ANGPT1: variants seen among roughly 807,000 people sequenced by gnomAD.
ANGPT1 encodes the protein angiopoietin-1.
Under a neutral mutation model 62.2 loss-of-function variants are expected in ANGPT1, and 17 were observed. That is an observed-to-expected ratio of 0.27 (90% CI 0.19 to 0.41). ANGPT1 has a LOEUF of 0.41. Ranked by LOEUF, ANGPT1 falls within the 10% of genes least tolerant of loss-of-function variation. ANGPT1 has a pLI of 1.00. For missense variants in ANGPT1, 478 were observed against 594.9 expected (o/e 0.80, Z 2.04); for synonymous variants, 199 against 198.9 (o/e 1.00, Z 0.00).
rs376417690 is a variant in ANGPT1, at chr8:107,271,548, T to C, written c.1206-7197A>G. On this transcript the variant is annotated intron_variant, in intron 7 of 8. Transcript: ENST00000517746. ...GAGATACAGCTCATGAGGACAGGCA[T>C]GGAGGCAACAAGCCAGAGAAATTAA... Among the ~76,000 whole-genome samples the C allele has an allele frequency of 1.1e-4, 17 of 152,028 alleles. No individual in the cohort carries two copies. In the East Asian group the frequency reaches 2.9e-3, roughly 26 times the overall value.
At chr8:107,338,711 G>A (rs1181182406) in intron 2 of ANGPT1, among the ~76,000 whole-genome samples, 1 of 152,180 alleles carries the variant, frequency 6.6e-6, no homozygotes, top group East Asian at 1.9e-4. Context: ...GGGATAAATG[G>A]TAGAGAATAT....
intron 1 of ANGPT1, among the ~76,000 whole-genome samples, chr8:107,472,665 A>G (rs1352246163): frequency 6.6e-6 from 1 of 152,010 alleles, no homozygotes; most frequent in Non-Finnish European, 1.5e-5. Flanking sequence ...GGAAACCATT[A>G]TTATTCTCAT....
Position 107,250,437 on chromosome 8 carries a change from A to T in ANGPT1, c.*1418T>A, listed in dbSNP as rs1392612028. ...ACTATGATTAATTTTCTTTTTGTAT[A>T]TATTTCCCTTACATATAATAGTTTT... On this transcript the variant is annotated 3_prime_UTR_variant, in exon 9 of 9. Coordinates refer to ENST00000517746, the MANE Select transcript of ANGPT1 (RefSeq NM_001146.5). The T allele has an allele frequency of 6.6e-6, 1 of 152,106 alleles. No homozygotes were observed. Among genetic ancestry groups the T allele is most frequent in the East Asian group, 1.9e-4 (1 of 5,204 alleles). 9.4% of individuals were successfully genotyped at this position (152,106 alleles called of 1,614,324 possible).
At chr8:107,354,091 G>A (rs557561225) in intron 1 of ANGPT1, among the ~76,000 whole-genome samples, 3 of 152,110 alleles carry the variant, frequency 2.0e-5, no homozygotes, top group African/African-American at 4.8e-5. Flanking sequence ...GCTGCTGAAA[G>A]TTGCCAAAGT....
At chr8:107,281,637 G>C (rs1177702013) in intron 7 of ANGPT1, among the ~76,000 whole-genome samples, 1 of 152,064 alleles carries the variant, frequency 6.6e-6, no homozygotes, top group East Asian at 1.9e-4. Flanking sequence ...AATTAGCCAG[G>C]CATGGTGGCA....
At chr8:107,378,673 G>A (rs1586272359) in intron 1 of ANGPT1, among the ~76,000 whole-genome samples, 1 of 152,032 alleles carries the variant, frequency 6.6e-6, no homozygotes, top group South Asian at 2.1e-4. Flanking sequence ...CTGTTCTCAT[G>A]ATAGTGAGTT....
intron 1 of ANGPT1, among the ~76,000 whole-genome samples, chr8:107,484,667 A>G (rs1030335194): frequency 2.0e-5 from 3 of 152,152 alleles, no homozygotes; most frequent in African/African-American, 7.2e-5. Flanking sequence ...TGGCCTCCGA[A>G]AGTGATGGAT....
intron 1 of ANGPT1, among the ~76,000 whole-genome samples, chr8:107,440,671 C>A (rs1378094591): frequency 6.6e-6 from 1 of 152,092 alleles, no homozygotes; most frequent in African/African-American, 2.4e-5. Flanking sequence ...AATTGGAAAA[C>A]CAAAGGTCTT....
chr8:107,430,722 T>C (rs1452106042), intron 1 of ANGPT1, among the ~76,000 whole-genome samples: 1 of 152,194 alleles, frequency 6.6e-6, no homozygotes, highest in East Asian at 1.9e-4. Context: ...GGGTCAGGGT[T>C]TATAGGTGAC....
At chr8:107,259,551 A>G (rs958614682) in intron 8 of ANGPT1, among the ~76,000 whole-genome samples, 4 of 152,176 alleles carry the variant, frequency 2.6e-5, no homozygotes, top group African/African-American at 7.2e-5. Flanking sequence ...TTTCTACTTC[A>G]ATAGATTCTT....
chr8:107,262,813 C>T (rs1813524083), intron 8 of ANGPT1, among the ~76,000 whole-genome samples: 1 of 152,142 alleles, frequency 6.6e-6, no homozygotes, highest in South Asian at 2.1e-4. Flanking sequence ...CCTTTCCTGC[C>T]AGAGCCTATA....
intron 1 of ANGPT1, among the ~76,000 whole-genome samples, chr8:107,380,484 C>T (rs181609845): frequency 1.7e-4 from 26 of 151,636 alleles, no homozygotes; most frequent in Admixed American, 1.1e-3. Context: ...AGCTAGATGC[C>T]ATTTTGACTG....
chr8:107,448,793 A>T (rs765479231), intron 1 of ANGPT1, among the ~76,000 whole-genome samples: 28 of 152,194 alleles, frequency 1.8e-4, no homozygotes, highest in Non-Finnish European at 4.4e-5. Flanking sequence ...ACCCAAAAAG[A>T]ATCCCACCTA....
chr8:107,458,538 GT>G (rs1393214422), intron 1 of ANGPT1, among the ~76,000 whole-genome samples: 3 of 152,094 alleles, frequency 2.0e-5, no homozygotes, highest in Admixed American at 2.0e-4. Context: ...GCAAGATTTA[GT>G]AACTATGTCT....
intron 7 of ANGPT1, among the ~76,000 whole-genome samples, chr8:107,272,694 T>C (rs1813764820): frequency 6.6e-6 from 1 of 151,114 alleles, no homozygotes; most frequent in African/African-American, 2.4e-5. Flanking sequence ...TGCCTTTCAA[T>C]AGTGCTGACA....
At chr8:107,311,692 CA>C (rs1814867894) in intron 4 of ANGPT1, among the ~76,000 whole-genome samples, 1 of 152,180 alleles carries the variant, frequency 6.6e-6, no homozygotes, top group South Asian at 2.1e-4. Context: ...ATAAATTTTG[CA>C]ATTATCTTCC....
At chr8:107,477,177 C>T (rs919866827) in intron 1 of ANGPT1, among the ~76,000 whole-genome samples, 8 of 152,250 alleles carry the variant, frequency 5.3e-5, no homozygotes, top group South Asian at 2.1e-4. Flanking sequence ...AATTGCCTGA[C>T]CTATCACACC....
intron 5 of ANGPT1, among the ~76,000 whole-genome samples, chr8:107,299,664 CAT>C (rs1384043354): frequency 3.8e-5 from 5 of 130,554 alleles, no homozygotes; most frequent in Admixed American, 7.9e-5. Context: ...TATATATAGA[CAT>C]ATAGTTATAT....
intron 2 of ANGPT1, among the ~76,000 whole-genome samples, chr8:107,338,207 T>A (rs1281617345): frequency 2.0e-5 from 3 of 152,200 alleles, no homozygotes; most frequent in Admixed American, 2.0e-4. Context: ...AGGCAGGAAC[T>A]AGGCTGAGGT....
Sources: allele counts gnomAD v4.1 joint callset (sites outside exome capture counted in the v4.1 genomes callset), GRCh38; gene constraint gnomAD v4.1.1; transcripts MANE v1.5; gene names NCBI Gene and HGNC (gene_info 2026-07-23, HGNC 2026-07-21).